The following CIDEA variants were observed in gnomAD, a reference collection of about 807,000 sequenced individuals.
The protein encoded by CIDEA is lipid transferase CIDEA.
CIDEA carries 10 observed loss-of-function variants against 18.2 expected under a neutral mutation model. That is an observed-to-expected ratio of 0.55 (90% CI 0.34 to 0.93). CIDEA has a LOEUF of 0.93. Among genes scored for constraint, CIDEA ranks in the 40% least tolerant of loss-of-function variants. The probability of loss-of-function intolerance (pLI) is 0.02; values close to 1 mark genes in which losing one functional copy is unlikely to be tolerated. For missense variants in CIDEA, 309 were observed against 293.1 expected (o/e 1.05, Z -0.40); for synonymous variants, 128 against 124.8 (o/e 1.03, Z -0.17).
rs144412869 is a variant in CIDEA, at chr18:12,260,175, TTTTG to T, written c.39-2614_39-2611del. Among the ~76,000 whole-genome samples, 893 of 150,956 alleles carry T rather than the reference TTTTG, an allele frequency of 5.9e-3. 12 individuals are homozygous for T. The highest frequency in any genetic ancestry group is 0.019 in the African/African-American group (789 of 40,972). On this transcript the variant is annotated intron_variant, in intron 1 of 4. Coordinates refer to ENST00000320477, the MANE Select transcript of CIDEA (RefSeq NM_001279.4). ...TCTACTCTCAGGTTTTTGGTCTGTTTTTTGTTTGTTTGTTTGTTTGTTTGTTTGT... is the reference window on the plus strand; with the variant it reads ...TCTACTCTCAGGTTTTTGGTCTGTTTTTTGTTTGTTTGTTTGTTTGTTTGT...
At chr18:12,261,237 A>G (rs558674926) in intron 1 of CIDEA, among the ~76,000 whole-genome samples, 42 of 152,276 alleles carry the variant, frequency 2.8e-4, no homozygotes, top group African/African-American at 9.4e-4. Context: ...ACAAAAAATT[A>G]GCTGGCCATG....
rs1173970086 is a variant in CIDEA at position 12,264,347 on chromosome 18, T to C, written c.224T>C (p.Leu75Pro). 4 of 1,614,098 alleles carry C rather than the reference T, an allele frequency of 2.5e-6. No homozygotes were observed. In the South Asian group the frequency reaches 4.4e-5, roughly 18 times the overall value. The change falls in exon 3 of 5, where the codon CTG becomes CCG. Residue 75 changes from leucine to proline, a missense_variant. Transcript: ENST00000320477. ...ALVIATGLVT[L>P]VLEEDGTVVD... ...GTCATCGCTACCGGACTGGTCACTC[T>C]GGTGCTGGAGGAAGATGGCACCGTG...
chr18:12,273,676 G>T (rs1328207388), intron 3 of CIDEA, among the ~76,000 whole-genome samples: 8 of 152,162 alleles, frequency 5.3e-5, no homozygotes, highest in African/African-American at 1.9e-4. Context: ...CCATAAAATT[G>T]AACCAATGCT....
In CIDEA at chr18:12,267,525, A is replaced by G. The variant is rs541455852; in HGVS notation, c.330+3072A>G. ...CTCAGGACCTCTTTACTCTCCTAAA[A>G]ATTAACGAGGACCCCAAACAGCCTT... is the stretch of plus-strand genomic sequence containing the variant. On this transcript the variant is annotated intron_variant, in intron 3 of 4. Coordinates refer to ENST00000320477, the MANE Select transcript of CIDEA (RefSeq NM_001279.4). 1.7e-4 allele frequency among the ~76,000 whole-genome samples: 26 copies of G among 152,246 alleles called. 1 individual carries two copies. Among genetic ancestry groups the G allele is most frequent in the African/African-American group, 6.0e-4 (25 of 41,570 alleles).
intron 3 of CIDEA, among the ~76,000 whole-genome samples, chr18:12,267,950 A>G (rs1912396973): frequency 6.6e-6 from 1 of 152,220 alleles, no homozygotes; most frequent in Non-Finnish European, 1.5e-5. Context: ...TGCAATGCAC[A>G]GGACAACCCC....
chr18:12,255,961 T>G (rs543957171), intron 1 of CIDEA, among the ~76,000 whole-genome samples: 1 of 152,238 alleles, frequency 6.6e-6, no homozygotes, highest in Non-Finnish European at 1.5e-5. Flanking sequence ...CTACCTGTTA[T>G]GGACAAGCTG....
chr18:12,256,949 G>T (rs192451415), intron 1 of CIDEA, among the ~76,000 whole-genome samples: 49 of 152,296 alleles, frequency 3.2e-4, no homozygotes, highest in Middle Eastern at 6.8e-3. Context: ...TATCTGGGGG[G>T]TAGGTGTGCT....
chr18:12,266,316 G>T (rs1013423888), intron 3 of CIDEA, among the ~76,000 whole-genome samples: 2 of 152,050 alleles, frequency 1.3e-5, no homozygotes, highest in African/African-American at 4.8e-5. Context: ...TTAGCCTGGC[G>T]TAGTGGTGCA....
intron 1 of CIDEA, chr18:12,254,983 T>C: frequency 2.5e-6 from 3 of 1,191,044 alleles, no homozygotes; most frequent in Non-Finnish European, 3.2e-6. Flanking sequence ...GAAGCGCTCC[T>C]CCTTGCCTCC....
rs752828036 is a variant in CIDEA, at chr18:12,262,891, C to T, written c.105C>T (p.Arg35=). ...VLFTPLMHPA[R]PFRVSNHDRS... ...TCACCCCGCTCATGCATCCAGCTCG[C>T]CCTTTCCGGGTCTCCAACCATGACA... is the stretch of plus-strand genomic sequence containing the variant. The change falls in exon 2 of 5, where the codon CGC becomes CGT. Residue 35 remains arginine (R), a synonymous_variant. Transcript: ENST00000320477. The T allele has an allele frequency of 1.2e-6, 2 of 1,614,098 alleles. No homozygotes were observed. Among genetic ancestry groups the T allele is most frequent in the Admixed American group, 3.3e-5 (2 of 60,004 alleles).
At chr18:12,264,633 AAGC>A (rs1182299375) in intron 3 of CIDEA, among the ~76,000 whole-genome samples, 180 bp downstream of exon 3, 6 of 151,734 alleles carry the variant, frequency 4.0e-5, no homozygotes, top group Non-Finnish European at 8.8e-5. Context: ...GGCTCACTGC[AAGC>A]TCCGCCTCCC....
chr18:12,274,942 A>T (rs1598783659), intron 4 of CIDEA, among the ~76,000 whole-genome samples: 1 of 152,332 alleles, frequency 6.6e-6, no homozygotes, highest in South Asian at 2.1e-4. Flanking sequence ...ACTGAGAGAA[A>T]CACCAGCAGT....
chr18:12,275,904 G>T (rs1026896878), intron 4 of CIDEA, among the ~76,000 whole-genome samples: 3 of 152,008 alleles, frequency 2.0e-5, no homozygotes, highest in African/African-American at 4.8e-5. Flanking sequence ...AGTTAGGCAA[G>T]AGAGTTACAA....
At chr18:12,268,254 A>ATTTTTTTTTTTTT (rs1912411367) in intron 3 of CIDEA, among the ~76,000 whole-genome samples, 57 of 51,052 alleles carry the variant, frequency 1.1e-3, no homozygotes, top group South Asian at 1.6e-3. Context: ...TTTTTTTTTC[A>ATTTTTTTTTTTTT]TTTTTAGTAG....
intron 3 of CIDEA, among the ~76,000 whole-genome samples, chr18:12,269,224 C>T (rs1912445102): frequency 6.6e-6 from 1 of 152,116 alleles, no homozygotes; most frequent in South Asian, 2.1e-4. Flanking sequence ...TAATGTCTGG[C>T]TTAATAGAAG....
At chr18:12,263,867 G>A (rs1334341734) in intron 2 of CIDEA, 2 of 152,568 alleles carry the variant, frequency 1.3e-5, no homozygotes, top group African/African-American at 2.4e-5. Context: ...AAATAAATAG[G>A]TAATCTTAGA....
In CIDEA at chr18:12,263,089, C is replaced by T. The variant is rs1168227001; in HGVS notation, c.183+120C>T. 46 of 1,006,080 alleles carry T rather than the reference C, an allele frequency of 4.6e-5. No homozygotes were observed. In the East Asian group the frequency reaches 1.1e-3, roughly 23 times the overall value. The allele number at this position is 1,006,080 out of a possible 1,614,324, so 62.3% of individuals were successfully genotyped here. On this transcript the variant is annotated intron_variant, in intron 2 of 4. Transcript: ENST00000320477. ...AAAGATCAAGAAAAGCAGCATCTCACTGGGGGGAAACGGGGAGAGAAATTG... is the reference window on the plus strand; with the variant it reads ...AAAGATCAAGAAAAGCAGCATCTCATTGGGGGGAAACGGGGAGAGAAATTG...
chr18:12,254,418 T>C lies in CIDEA; in HGVS notation c.35T>C (p.Ile12Thr). ...EAARDYAGAL[I>T]RPLTFMGSQT... ...GCCCGGGACTATGCAGGAGCCCTCATCAGGCGAGTGCCCCGCGTCCCCCTG... is the reference window on the plus strand; with the variant it reads ...GCCCGGGACTATGCAGGAGCCCTCACCAGGCGAGTGCCCCGCGTCCCCCTG... Residue 12 changes from isoleucine (I) to threonine (T), a missense_variant, in exon 1 of 5, where the codon ATC (isoleucine) becomes ACC (threonine). By Grantham distance (89) the Ile-to-Thr change is moderately conservative. Transcript: ENST00000320477. 1 of 1,589,296 alleles carries C rather than the reference T, an allele frequency of 6.3e-7. No individual in the cohort carries two copies. Among genetic ancestry groups the C allele is most frequent in the Non-Finnish European group, 8.5e-7 (1 of 1,170,448 alleles).
chr18:12,262,706 C>G, intron 1 of CIDEA, 119 bp from the exon 2 acceptor site: 2 of 980,458 alleles, frequency 2.0e-6, no homozygotes, highest in Non-Finnish European at 1.5e-6. Flanking sequence ...TTAGTAATCC[C>G]AACAACTGAA....
Sources: gnomAD v4.1 joint callset for allele counts (sites outside exome capture counted in the v4.1 genomes callset) on GRCh38, gnomAD v4.1.1 for gene constraint, MANE v1.5 for transcripts, NCBI Gene and HGNC (gene_info 2026-07-23, HGNC 2026-07-21) for gene names.